The following NXPE4 variants were observed in gnomAD, a reference collection of about 807,000 sequenced individuals.
NXPE4 encodes NXPE family member 4.
Under a neutral mutation model 33.3 loss-of-function variants are expected in NXPE4, and 42 were observed. That is an observed-to-expected ratio of 1.26 (90% CI 0.98 to 1.63). NXPE4 has a LOEUF of 1.63. Among genes scored for constraint, NXPE4 ranks in the 40% most tolerant of loss-of-function variants. The pLI, the probability that NXPE4 is intolerant of heterozygous loss-of-function variation, is 0.00. For missense variants in NXPE4, 709 were observed against 647.6 expected (o/e 1.09, Z -1.03); for synonymous variants, 253 against 234.9 (o/e 1.08, Z -0.71).
rs372051990 is a variant in NXPE4 at position 114,571,036 on chromosome 11, C to T, written c.1537G>A (p.Ala513Thr). The T allele has an allele frequency of 1.7e-5, 27 of 1,613,190 alleles. No individual in the cohort carries two copies. The highest frequency in any genetic ancestry group is 2.2e-5 in the East Asian group (1 of 44,894). The change falls in exon 6 of 6, where the codon GCC becomes ACC. Residue 513 changes from alanine (A) to threonine (T), a missense_variant. By Grantham distance (58) the Ala-to-Thr change is moderately conservative. Coordinates refer to ENST00000375478, the MANE Select transcript of NXPE4 (RefSeq NM_001077639.2). ...FQDLSVSIID[A>T]WDITIAYGTN... ...CCATATGCAATTGTTATATCCCAGG[C>T]ATCAATGATACTCACACTGAGATCC... is the stretch of plus-strand genomic sequence containing the variant.
intron 5 of NXPE4, among the ~76,000 whole-genome samples, chr11:114,579,517 G>A (rs1016080386): frequency 2.6e-5 from 4 of 152,302 alleles, no homozygotes; most frequent in African/African-American, 7.2e-5. Flanking sequence ...CTTTACTTGT[G>A]TCTACCTGAT....
At chr11:114,605,114 T>C in the NXPE4 span, among the ~76,000 whole-genome samples, 1 of 151,500 alleles carries the variant, frequency 6.6e-6, no homozygotes, top group Non-Finnish European at 1.5e-5. Flanking sequence ...TGTTACCCTG[T>C]GGAAGATAAG....
chr11:114,632,197 T>G, the NXPE4 span, among the ~76,000 whole-genome samples: 1 of 141,786 alleles, frequency 7.1e-6, no homozygotes, highest in East Asian at 2.0e-4. Context: ...AATGATCATA[T>G]ATACATATTA....
At chr11:114,646,148 G>A in the NXPE4 span, among the ~76,000 whole-genome samples, 2 of 151,972 alleles carry the variant, frequency 1.3e-5, no homozygotes, top group Non-Finnish European at 2.9e-5. Context: ...TGAGGTAATA[G>A]TGGTAACTTT....
chr11:114,637,960 A>C, the NXPE4 span, among the ~76,000 whole-genome samples: 3 of 151,604 alleles, frequency 2.0e-5, no homozygotes, highest in Non-Finnish European at 4.4e-5. Context: ...GCTCTTCTCG[A>C]GGAGTATCTT....
the NXPE4 span, among the ~76,000 whole-genome samples, chr11:114,613,986 G>T: frequency 6.6e-6 from 1 of 151,328 alleles, no homozygotes; most frequent in Non-Finnish European, 1.5e-5. Context: ...ATTGCCTCTA[G>T]GGTTACCACT....
At chr11:114,624,254 C>T in the NXPE4 span, among the ~76,000 whole-genome samples, 20 of 151,628 alleles carry the variant, frequency 1.3e-4, no homozygotes, top group Non-Finnish European at 2.1e-4. Flanking sequence ...CACTGTGACC[C>T]GGTGGATAAT....
the NXPE4 span, among the ~76,000 whole-genome samples, chr11:114,639,828 A>T: frequency 1.1e-5 from 1 of 89,020 alleles, no homozygotes; most frequent in Non-Finnish European, 2.2e-5. Flanking sequence ...AATATAATAT[A>T]TATTATATTA....
intron 5 of NXPE4, among the ~76,000 whole-genome samples, chr11:114,575,238 C>T (rs1346013870): frequency 1.3e-5 from 2 of 152,032 alleles, no homozygotes; most frequent in Admixed American, 1.3e-4. Flanking sequence ...CAACATAATA[C>T]TGAATGGGGA....
the NXPE4 span, among the ~76,000 whole-genome samples, chr11:114,649,539 T>C: frequency 9.8e-5 from 15 of 152,330 alleles, no homozygotes; most frequent in East Asian, 7.7e-4. Context: ...GGCAAAGCTA[T>C]AGAGACAGAA....
upstream of NXPE4, among the ~76,000 whole-genome samples, chr11:114,598,199 A>G (rs1949600038): frequency 6.6e-6 from 1 of 152,224 alleles, no homozygotes; most frequent in Non-Finnish European, 1.5e-5. Context: ...GAGCTCCAAA[A>G]TAATCTCCTT....
At chr11:114,604,019 G>C in the NXPE4 span, among the ~76,000 whole-genome samples, 12 of 151,808 alleles carry the variant, frequency 7.9e-5, no homozygotes, top group Non-Finnish European at 1.6e-4. Flanking sequence ...CTACCATTAC[G>C]TGGTGGATAA....
chr11:114,645,359 C>G, the NXPE4 span, among the ~76,000 whole-genome samples: 1 of 152,002 alleles, frequency 6.6e-6, no homozygotes, highest in African/African-American at 2.4e-5. Flanking sequence ...TATACCACAT[C>G]ATGCATGCCT....
At chr11:114,600,271 G>T (rs1212717877), upstream of NXPE4, among the ~76,000 whole-genome samples, 2 of 152,044 alleles carry the variant, frequency 1.3e-5, no homozygotes, top group African/African-American at 4.8e-5. Flanking sequence ...ACATATCTTG[G>T]TTGGCAATAA....
At chr11:114,643,020 G>A in the NXPE4 span, among the ~76,000 whole-genome samples, 2 of 152,116 alleles carry the variant, frequency 1.3e-5, no homozygotes, top group South Asian at 4.1e-4. Context: ...CAGTGATGAT[G>A]AGCATTTTTT....
the NXPE4 span, among the ~76,000 whole-genome samples, chr11:114,650,265 G>A: frequency 3.3e-5 from 5 of 152,164 alleles, no homozygotes; most frequent in South Asian, 4.1e-4. Flanking sequence ...AAGGAAAGAA[G>A]AATCCTGCAA....
intron 2 of NXPE4, among the ~76,000 whole-genome samples, chr11:114,593,733 T>A (rs1353163700): frequency 6.6e-6 from 1 of 152,144 alleles, no homozygotes; most frequent in Non-Finnish European, 1.5e-5. Flanking sequence ...CCATGTTTAT[T>A]GCAGCACTGA....
At chr11:114,575,319 A>G (rs551499729) in intron 5 of NXPE4, among the ~76,000 whole-genome samples, 1 of 152,130 alleles carries the variant, frequency 6.6e-6, no homozygotes. Context: ...TATCTTCAAC[A>G]TAGTACTGGA....
chr11:114,593,896 T>C (rs1949518698), intron 2 of NXPE4, among the ~76,000 whole-genome samples: 1 of 152,168 alleles, frequency 6.6e-6, no homozygotes, highest in Non-Finnish European at 1.5e-5. Flanking sequence ...CTGAAGGTCA[T>C]TATGTTAAGT....
Sources: allele counts gnomAD v4.1 joint callset (sites outside exome capture counted in the v4.1 genomes callset), GRCh38; gene constraint gnomAD v4.1.1; transcripts MANE v1.5; gene names NCBI Gene and HGNC (gene_info 2026-07-23, HGNC 2026-07-21).